Variants in DOP1A observed in about 807,000 individuals in gnomAD.
DOP1A encodes protein DOP1A.
Under a neutral mutation model 267.6 loss-of-function variants are expected in DOP1A, and 90 were observed. The observed-to-expected ratio is 0.34, with a 90% CI of 0.28 to 0.40. The LOEUF is 0.40. Ranked by LOEUF, DOP1A falls within the 10% of genes least tolerant of loss-of-function variation. The probability of loss-of-function intolerance (pLI) is 1.00; values close to 1 mark genes in which losing one functional copy is unlikely to be tolerated. For missense variants in DOP1A, 2,437 were observed against 2,900.4 expected, an observed-to-expected ratio of 0.84 and a Z score of 3.67; for synonymous variants, 932 against 999.1, an observed-to-expected ratio of 0.93 and a Z score of 1.27.
chr6:83,114,048 A>G (rs1384215933), intron 7 of DOP1A, among the ~76,000 whole-genome samples: 2 of 152,202 alleles, frequency 1.3e-5, no homozygotes, highest in South Asian at 4.1e-4. Context: ...AAAAGTAATA[A>G]GATATAGAGA....
chr6:83,093,944 A>T (rs886684123), intron 1 of DOP1A, among the ~76,000 whole-genome samples: 4 of 152,120 alleles, frequency 2.6e-5, no homozygotes, highest in East Asian at 1.9e-4. Flanking sequence ...TATATATATA[A>T]AATATGATAT....
chr6:83,161,856 A>T (rs1784313151), intron 37 of DOP1A, among the ~76,000 whole-genome samples: 1 of 152,158 alleles, frequency 6.6e-6, no homozygotes, highest in African/African-American at 2.4e-5. Context: ...TCAGATGTGC[A>T]CAAAAATAAA....
At chr6:83,127,359 G>A (rs1430905614) in intron 15 of DOP1A, among the ~76,000 whole-genome samples, 1 of 152,150 alleles carries the variant, frequency 6.6e-6, no homozygotes, top group East Asian at 1.9e-4. Context: ...GATGAGGTCA[G>A]TTAGGTTTGA....
At chr6:83,133,998 G>A (rs188641503) in intron 18 of DOP1A, among the ~76,000 whole-genome samples, 189 bp from the exon 19 acceptor site, 43 of 152,078 alleles carry the variant, frequency 2.8e-4, no homozygotes, top group Non-Finnish European at 5.0e-4. Context: ...CAATATTTCT[G>A]TATATATTTA....
At position 83,096,291 on chromosome 6, in the gene DOP1A, A is replaced by G. The variant is rs9361990; in HGVS notation, c.-146-440A>G. ...GAGACAGGATCTCACTGTGTTGCCA[A>G]TGCTGGTCTTGAAACCTTGATCTTA... is the stretch of plus-strand genomic sequence containing the variant. On this transcript the variant is annotated intron_variant, in intron 1 of 38. Transcript: ENST00000349129. Among the ~76,000 whole-genome samples, 2,692 of 151,204 alleles carry G rather than the reference A, an allele frequency of 0.018. 230 individuals are homozygous for G. The East Asian group carries it at 0.29, about 16-fold the overall frequency.
In DOP1A at chr6:83,075,978, T is replaced by TA. The variant is rs527521525; in HGVS notation, c.-147+8205dup. Among the ~76,000 whole-genome samples, 30 of 151,984 alleles carry TA rather than the reference T, an allele frequency of 2.0e-4. No homozygotes were observed. The South Asian group carries it at 5.0e-3, about 25-fold the overall frequency. Reference sequence around the variant, plus strand: ...AAAGCACAGACAATAAAAGCAAAAATAAAAAATAGGATTGTATTAATCTTA... The same window carrying TA: ...AAAGCACAGACAATAAAAGCAAAAATAAAAAAATAGGATTGTATTAATCTTA... On this transcript the variant is annotated intron_variant, in intron 1 of 38. Transcript: ENST00000349129.
chr6:83,078,758 T>C (rs1427124479), intron 1 of DOP1A, among the ~76,000 whole-genome samples: 2 of 152,210 alleles, frequency 1.3e-5, no homozygotes, highest in Non-Finnish European at 2.9e-5. Flanking sequence ...GTGCCTATGT[T>C]TTGTAGAGAT....
intron 1 of DOP1A, among the ~76,000 whole-genome samples, chr6:83,071,491 A>G (rs912229539): frequency 1.3e-5 from 2 of 152,152 alleles, no homozygotes; most frequent in African/African-American, 2.4e-5. Flanking sequence ...TACAGACATG[A>G]GCCACTGTGT....
At chr6:83,069,338 C>G (rs938620901) in intron 1 of DOP1A, among the ~76,000 whole-genome samples, 1 of 152,150 alleles carries the variant, frequency 6.6e-6, no homozygotes, top group African/African-American at 2.4e-5. Context: ...AACTTTTTTG[C>G]TTATAAAGGC....
At chr6:83,164,267 T>C (rs1784907984) in intron 38 of DOP1A, among the ~76,000 whole-genome samples, 1 of 151,652 alleles carries the variant, frequency 6.6e-6, no homozygotes, top group African/African-American at 2.4e-5. Context: ...TTGACTTAAA[T>C]TCCTAGTTGC....
At chr6:83,132,588 A>G (rs913765581) in intron 18 of DOP1A, among the ~76,000 whole-genome samples, 1 of 152,134 alleles carries the variant, frequency 6.6e-6, no homozygotes. Flanking sequence ...TGTTCAAGAC[A>G]CAGTTATGGG....
intron 38 of DOP1A, chr6:83,167,234 C>CT (rs1169545811): frequency 1.0e-6 from 1 of 958,136 alleles, no homozygotes; most frequent in Non-Finnish European, 1.2e-6. Context: ...AGCCAGCACA[C>CT]TAACTCAATT....
chr6:83,116,050 AT>A (rs948702808), intron 7 of DOP1A, among the ~76,000 whole-genome samples: 3 of 152,170 alleles, frequency 2.0e-5, no homozygotes, highest in African/African-American at 7.2e-5. Context: ...TAGATCATCT[AT>A]TGTGATTTGT....
intron 1 of DOP1A, among the ~76,000 whole-genome samples, chr6:83,095,182 C>T (rs1771244372): frequency 6.6e-6 from 1 of 152,186 alleles, no homozygotes; most frequent in African/African-American, 2.4e-5. Flanking sequence ...ATCCGCCTAC[C>T]TCGGCCTCCT....
At chr6:83,083,417 G>T (rs987313332) in intron 1 of DOP1A, among the ~76,000 whole-genome samples, 1 of 146,998 alleles carries the variant, frequency 6.8e-6, no homozygotes, top group Admixed American at 6.9e-5. Context: ...AAGACTTGTG[G>T]TTTAAAAAAA....
chr6:83,083,966 T>C (rs1028277137), intron 1 of DOP1A, among the ~76,000 whole-genome samples: 1 of 152,208 alleles, frequency 6.6e-6, no homozygotes, highest in Non-Finnish European at 1.5e-5. Flanking sequence ...GAGACAATTT[T>C]TAATAACGTA....
At chr6:83,107,070 A>AAT (rs1773736612) in intron 4 of DOP1A, among the ~76,000 whole-genome samples, 1 of 152,024 alleles carries the variant, frequency 6.6e-6, no homozygotes, top group South Asian at 2.1e-4. Flanking sequence ...AATTCATAAA[A>AAT]ATATATATAT....
chr6:83,149,241 A>T (rs967348317), intron 27 of DOP1A, among the ~76,000 whole-genome samples: 1 of 151,938 alleles, frequency 6.6e-6, no homozygotes, highest in Non-Finnish European at 1.5e-5. Flanking sequence ...GCCTGGGAAA[A>T]TTTTTCTCTT....
intron 1 of DOP1A, among the ~76,000 whole-genome samples, chr6:83,080,352 A>C (rs543049742): frequency 1.8e-4 from 28 of 152,352 alleles, no homozygotes; most frequent in African/African-American, 6.0e-4. Context: ...CCAGAATATT[A>C]AACTATCAGT....
Sources: gnomAD v4.1 joint callset for allele counts (sites outside exome capture counted in the v4.1 genomes callset) on GRCh38, gnomAD v4.1.1 for gene constraint, MANE v1.5 for transcripts, NCBI Gene and HGNC (gene_info 2026-07-23, HGNC 2026-07-21) for gene names.